Variants in GLRA1 observed in about 807,000 individuals in gnomAD.
GLRA1 encodes glycine receptor alpha 1, also known as glycine receptor subunit alpha-1.
In GLRA1, 37 loss-of-function variants were observed where a neutral mutation model predicts 48.3. That is an observed-to-expected ratio of 0.77 (90% confidence interval 0.59 to 1.01). The LOEUF (loss-of-function observed/expected upper bound fraction) is 1.01, where lower values mean the gene tolerates loss of function less well. Among genes scored for constraint, GLRA1 ranks in the 50% least tolerant of loss-of-function variants. GLRA1 has a pLI of 0.00. For missense variants in GLRA1, 427 were observed against 571.0 expected (o/e 0.75, Z 2.57); for synonymous variants, 196 against 210.7 (o/e 0.93, Z 0.60).
intron 1 of GLRA1, among the ~76,000 whole-genome samples, chr5:151,909,062 C>A (rs757588623): frequency 1.1e-4 from 16 of 152,180 alleles, no homozygotes; most frequent in Non-Finnish European, 1.9e-4. Context: ...ATAGTTAATA[C>A]ATATCAAGTT....
At chr5:151,891,982 G>A (rs890689107) in intron 2 of GLRA1, among the ~76,000 whole-genome samples, 2 of 152,196 alleles carry the variant, frequency 1.3e-5, no homozygotes, top group Admixed American at 6.5e-5. Context: ...TAAGCTCAGA[G>A]AGTAAGTTTG....
intron 3 of GLRA1, among the ~76,000 whole-genome samples, chr5:151,880,922 A>T (rs1294206918): frequency 6.6e-6 from 1 of 152,244 alleles, no homozygotes; most frequent in African/African-American, 2.4e-5. Context: ...GTACTTTCAC[A>T]TCTCCTACAT....
At chr5:151,850,211 T>C (rs1385290508) in intron 7 of GLRA1, 1 of 1,603,530 alleles carries the variant, frequency 6.2e-7, no homozygotes, top group Admixed American at 1.7e-5. Context: ...TGGAGGCCCA[T>C]TACCAGGCCT....
intron 2 of GLRA1, 22 bp downstream of exon 2, chr5:151,892,289 C>A: frequency 6.2e-7 from 1 of 1,612,150 alleles, no homozygotes; most frequent in Non-Finnish European, 8.5e-7. Context: ...CCCTGTGGGT[C>A]TGGAAGGAAT....
At chr5:151,823,005 G>C in intron 8 of GLRA1, 42 bp from the exon 9 acceptor site, 1 of 1,542,124 alleles carries the variant, frequency 6.5e-7, no homozygotes, top group African/African-American at 1.4e-5. Context: ...AAATAAGACA[G>C]GGGCTAGGCA....
At chr5:151,848,525 CCTGA>C (rs1752740329) in intron 7 of GLRA1, among the ~76,000 whole-genome samples, 2 of 152,130 alleles carry the variant, frequency 1.3e-5, no homozygotes, top group Non-Finnish European at 2.9e-5. Flanking sequence ...GGCCACCATG[CCTGA>C]CTAAGAGTTT....
In GLRA1 at chr5:151,841,918, G is replaced by A. The variant is rs139165842; in HGVS notation, c.912+9472C>T. ...CTAAAAATACAAAAATTAGCTGAGCGTGGTGGCGTGTGCCTGTAATCCCAG... is the reference window on the plus strand; with the variant it reads ...CTAAAAATACAAAAATTAGCTGAGCATGGTGGCGTGTGCCTGTAATCCCAG... On this transcript the variant is annotated intron_variant, in intron 7 of 8. Coordinates refer to ENST00000274576, the MANE Select transcript of GLRA1 (RefSeq NM_000171.4). Among the ~76,000 whole-genome samples, 1,436 of 152,104 alleles carry A rather than the reference G, an allele frequency of 9.4e-3. 20 individuals are homozygous for A. Among genetic ancestry groups the A allele is most frequent in the African/African-American group, 0.032 (1,342 of 41,500 alleles).
At chr5:151,843,824 G>T (rs1303187123) in intron 7 of GLRA1, among the ~76,000 whole-genome samples, 2 of 152,164 alleles carry the variant, frequency 1.3e-5, no homozygotes, top group Non-Finnish European at 2.9e-5. Context: ...ACAGGGAAAA[G>T]AATACTCTTC....
At chr5:151,900,364 A>G (rs796201271) in intron 1 of GLRA1, among the ~76,000 whole-genome samples, 26 of 152,224 alleles carry the variant, frequency 1.7e-4, no homozygotes, top group African/African-American at 6.0e-4. Flanking sequence ...GATCAAATCT[A>G]TTTGCCCGAT....
intron 1 of GLRA1, among the ~76,000 whole-genome samples, chr5:151,905,049 A>C (rs1340001292): frequency 1.3e-5 from 2 of 152,220 alleles, no homozygotes; most frequent in Non-Finnish European, 2.9e-5. Flanking sequence ...AGATGATCTG[A>C]TGGTAACAGA....
rs79467802 is a variant in GLRA1 at position 151,902,239 on chromosome 5, G to T, written c.57-9801C>A. Among the ~76,000 whole-genome samples the T allele has an allele frequency of 1.8e-3, 277 of 152,164 alleles. 2 individuals are homozygous for T. In the East Asian group the frequency reaches 0.021, roughly 11 times the overall value. ...CTCCATGTCCAGGTGATGACACTGAGGCTCGATTGAAAGGTAGGAGGCCTG... is the reference window on the plus strand; with the variant it reads ...CTCCATGTCCAGGTGATGACACTGATGCTCGATTGAAAGGTAGGAGGCCTG... On this transcript the variant is annotated intron_variant, in intron 1 of 8. Coordinates refer to ENST00000274576, the MANE Select transcript of GLRA1 (RefSeq NM_000171.4).
chr5:151,840,168 A>G (rs963003670), intron 7 of GLRA1, among the ~76,000 whole-genome samples: 1 of 150,864 alleles, frequency 6.6e-6, no homozygotes, highest in African/African-American at 2.4e-5. Context: ...AGCATGGCTC[A>G]CTGCAGCCTC....
intron 3 of GLRA1, among the ~76,000 whole-genome samples, chr5:151,863,131 G>A (rs900954733): frequency 3.3e-5 from 5 of 152,218 alleles, no homozygotes; most frequent in African/African-American, 4.8e-5. Flanking sequence ...GGTCAGGAGC[G>A]ATGGCTCATG....
intron 1 of GLRA1, among the ~76,000 whole-genome samples, chr5:151,920,546 C>T (rs983809790): frequency 2.0e-5 from 3 of 152,088 alleles, no homozygotes; most frequent in Admixed American, 1.3e-4. Flanking sequence ...CTGTCCAACC[C>T]GTCCTTCAGG....
intron 3 of GLRA1, among the ~76,000 whole-genome samples, chr5:151,860,582 G>A (rs1029540970): frequency 6.6e-6 from 1 of 152,164 alleles, no homozygotes; most frequent in South Asian, 2.1e-4. Context: ...AGGGATGGGC[G>A]GAAGAATTCT....
chr5:151,846,294 A>G (rs1022582497), intron 7 of GLRA1, among the ~76,000 whole-genome samples: 4 of 152,248 alleles, frequency 2.6e-5, no homozygotes, highest in Admixed American at 6.5e-5. Flanking sequence ...ATTTTTAACC[A>G]CAAATGCAGC....
chr5:151,851,757 G>A (rs990258360), intron 6 of GLRA1, among the ~76,000 whole-genome samples, 153 bp from the exon 7 acceptor site: 1 of 152,134 alleles, frequency 6.6e-6, no homozygotes, highest in African/African-American at 2.4e-5. Context: ...GTTTCCTTAT[G>A]TATAGTAAAC....
intron 3 of GLRA1, among the ~76,000 whole-genome samples, chr5:151,870,866 C>T (rs750775235): frequency 6.0e-5 from 9 of 149,878 alleles, no homozygotes; most frequent in Non-Finnish European, 1.3e-4. Context: ...AGGGAGCACA[C>T]TCCTGGTGGA....
intron 2 of GLRA1, 51 bp downstream of exon 2, chr5:151,892,255 CTGCTT>C: frequency 6.4e-7 from 1 of 1,552,972 alleles, no homozygotes; most frequent in Non-Finnish European, 8.9e-7. Flanking sequence ...ATGCTGCTTG[CTGCTT>C]TAATCTGGGA....
Sources: allele counts gnomAD v4.1 joint callset (sites outside exome capture counted in the v4.1 genomes callset), GRCh38; gene constraint gnomAD v4.1.1; transcripts MANE v1.5; gene names NCBI Gene and HGNC (gene_info 2026-07-23, HGNC 2026-07-21).